KLHL33: variants seen among roughly 807,000 people sequenced by gnomAD.
KLHL33 encodes kelch like family member 33.
A neutral mutation model predicts 60.8 loss-of-function variants in KLHL33; 46 were observed. That is an observed-to-expected ratio of 0.76 (90% CI 0.60 to 0.97). The LOEUF (loss-of-function observed/expected upper bound fraction) is 0.97, where lower values mean the gene tolerates loss of function less well. KLHL33 is among the 50% of genes least tolerant of loss of function. The pLI is 0.00. For synonymous variants in KLHL33, 434 were observed against 432.2 expected, an observed-to-expected ratio of 1.00 and a Z score of -0.05; for missense variants, 1,055 against 1,000.0, an observed-to-expected ratio of 1.05 and a Z score of -0.74.
intron 2 of KLHL33, 138 bp from the exon 3 acceptor site, chr14:20,430,857 G>A: frequency 1.6e-6 from 1 of 614,388 alleles, no homozygotes; most frequent in South Asian, 2.0e-5. Context: ...ACCAAACTGT[G>A]GTGTGCATCA....
Position 20,430,238 on chromosome 14 carries a change from G to T in KLHL33, c.1230C>A (p.Ala410=). The change falls in exon 3 of 5, where the codon GCC becomes GCA. Residue 410 remains alanine, a synonymous_variant. Coordinates refer to ENST00000636854, the MANE Select transcript of KLHL33 (RefSeq NM_001365790.2). The part of the protein sequence containing the change: ...AFVAARCWLA[A]NPETQESEAK... Reference sequence around the variant, plus strand: ...CCTCTGACTCCTGGGTCTCGGGGTTGGCAGCCAGCCAACACCGTGCAGCCA... The same window carrying T: ...CCTCTGACTCCTGGGTCTCGGGGTTTGCAGCCAGCCAACACCGTGCAGCCA... 1 of 1,551,590 alleles carries T rather than the reference G, an allele frequency of 6.4e-7. No individual in the cohort carries two copies. Among genetic ancestry groups the T allele is most frequent in the Non-Finnish European group, 8.7e-7 (1 of 1,146,994 alleles).
rs73587040 is a variant in KLHL33, at chr14:20,428,384, C to A, written c.*465G>T. On this transcript the variant is annotated 3_prime_UTR_variant, in exon 5 of 5. Transcript: ENST00000636854. ...CCAGGGGTGGGAGAGGAGAAAGGAG[C>A]AAGTTCCAGGAAAAAAAGGGCTGAA... 7,361 of 155,176 alleles carry A rather than the reference C, an allele frequency of 0.047. 547 individuals carry two copies. Among genetic ancestry groups the A allele is most frequent in the African/African-American group, 0.17 (6,883 of 41,564 alleles). The allele number at this position is 155,176 out of a possible 1,614,324, so 9.6% of individuals were successfully genotyped here.
chr14:20,429,851 A>G lies in KLHL33; in HGVS notation c.1617T>C (p.Tyr539=). ...TGTAGAAATCTTGTCCCCCACACAC[A>G]TAGAGTTCACTTCCTGCCAGGCTTG... ...GAASLAGSEL[Y]VCGGQDFYSH... The change falls in exon 3 of 5, where the codon TAT becomes TAC. Residue 539 remains tyrosine, a synonymous_variant. Coordinates refer to ENST00000636854, the MANE Select transcript of KLHL33 (RefSeq NM_001365790.2). 3 of 1,551,568 alleles carry G rather than the reference A, an allele frequency of 1.9e-6. No individual in the cohort carries two copies. The highest frequency in any genetic ancestry group is 1.7e-6 in the Non-Finnish European group (2 of 1,146,812).
At position 20,429,325 on chromosome 14, in the gene KLHL33, C is replaced by A. The variant is rs1216549195; in HGVS notation, c.1918G>T (p.Gly640Cys). ...AGGTATTGGCCAGTCCCACCACAGC[C>A]ACCGCTCACGTACAACTGGCCCTCC... is the stretch of plus-strand genomic sequence containing the variant. Reference protein sequence around the residue: ...ILEGQLYVSGGCGGTGQYLAS... With the variant: ...ILEGQLYVSGCCGGTGQYLAS... The change falls in exon 5 of 5, where the codon GGC becomes TGC. Residue 640 changes from glycine (G) to cysteine (C), a missense_variant. Coordinates refer to ENST00000636854, the MANE Select transcript of KLHL33 (RefSeq NM_001365790.2). 1.3e-6 allele frequency: 2 copies of A among 1,551,604 alleles called. No individual in the cohort carries two copies. Among genetic ancestry groups the A allele is most frequent in the Non-Finnish European group, 1.7e-6 (2 of 1,147,002 alleles).
At chr14:20,430,774 G>A in intron 2 of KLHL33, 55 bp from the exon 3 acceptor site, 1 of 1,256,370 alleles carries the variant, frequency 8.0e-7, no homozygotes, top group East Asian at 2.6e-5. Flanking sequence ...AGACCGATAG[G>A]CATTACCCCA....
Position 20,429,988 on chromosome 14 carries a change from G to C in KLHL33, c.1480C>G (p.Arg494Gly). The C allele has an allele frequency of 6.4e-7, 1 of 1,551,696 alleles. No homozygotes were observed. ...AAGGCCCGGGCCCACCACACTGCTC[G>C]GGATGGTTGTCTTAGGGCCATGTCT... ...RPDMALRQPSRAVWWARAFRC... is the reference protein window; with the variant it reads ...RPDMALRQPSGAVWWARAFRC... The change falls in exon 3 of 5, where the codon CGA becomes GGA. Residue 494 changes from arginine (R) to glycine (G), a missense_variant. Coordinates refer to ENST00000636854, the MANE Select transcript of KLHL33 (RefSeq NM_001365790.2).
In KLHL33 at chr14:20,429,564, TC is replaced by T. The variant is rs1415752352; in HGVS notation, c.1778del (p.Gly593GlufsTer45). ...AGTCCAGGGCAACATCATTGTGTCT[TC>T]CACCCAGGGCATAAAGTTTTCCATC... Reference protein sequence around the residue: ...ALDGKLYALGGRHNDVALDSV... With the variant: ...ALDGKLYALGXRHNDVALDSV... On this transcript the variant is annotated frameshift_variant, in exon 4 of 5. Transcript: ENST00000636854. LOFTEE classifies it high-confidence loss of function. 6.4e-7 allele frequency: 1 copy of T among 1,552,174 alleles called. No homozygotes were observed. Among genetic ancestry groups the T allele is most frequent in the Non-Finnish European group, 8.7e-7 (1 of 1,147,106 alleles).
intron 1 of KLHL33, 126 bp downstream of exon 1, chr14:20,435,973 G>T: frequency 2.1e-6 from 1 of 480,160 alleles, no homozygotes; most frequent in Non-Finnish European, 3.3e-6. Flanking sequence ...TCCCAGCACT[G>T]GAGTATCTGG....
In KLHL33 at chr14:20,430,392, C is replaced by T. The variant is rs781672639; in HGVS notation, c.1076G>A (p.Arg359His). 3.9e-5 allele frequency: 60 copies of T among 1,551,786 alleles called. No individual in the cohort carries two copies. Among genetic ancestry groups the T allele is most frequent in the Non-Finnish European group, 5.0e-5 (57 of 1,147,000 alleles). Residue 359 changes from arginine (R) to histidine (H), a missense_variant, in exon 3 of 5, where the codon CGT becomes CAT. By Grantham distance (29) the Arg-to-His change is conservative (BLOSUM62 0). Coordinates refer to ENST00000636854, the MANE Select transcript of KLHL33 (RefSeq NM_001365790.2). ...AGGCAGGTGGGTGAGGAGGTAGTGA[C>T]GGGCTTTGCTCCAGAGCCTCTCCAA... Reference protein sequence around the residue: ...PGLERLWSKARHYLLTHLPAV... With the variant: ...PGLERLWSKAHHYLLTHLPAV...
At position 20,435,421 on chromosome 14, in the gene KLHL33, G is replaced by A; in HGVS notation, c.391C>T (p.Leu131=). The A allele has an allele frequency of 1.6e-6, 2 of 1,234,406 alleles. No homozygotes were observed. Among genetic ancestry groups the A allele is most frequent in the African/African-American group, 1.5e-5 (1 of 64,626 alleles). The allele number at this position is 1,234,406 out of a possible 1,614,324, so 76.5% of individuals were successfully genotyped here. The change falls in exon 2 of 5, where the codon CTG becomes TTG. Residue 131 remains leucine (L), a synonymous_variant. Coordinates refer to ENST00000636854, the MANE Select transcript of KLHL33 (RefSeq NM_001365790.2). ...CGGAAGAGGCTGCTGATTGCGGCCA[G>A]GATCACCCGATGCACCCCGTATACC... ...GRVYGVHRVI[L]AAISSLFRDR... is the part of the protein sequence containing the mutation.
Position 20,430,479 on chromosome 14 carries a change from A to G in KLHL33, c.989T>C (p.Leu330Ser). The G allele has an allele frequency of 6.4e-7, 1 of 1,551,018 alleles. No homozygotes were observed. The highest frequency in any genetic ancestry group is 1.2e-5 in the South Asian group (1 of 84,066). The change falls in exon 3 of 5, where the codon TTG (leucine) becomes TCG (serine). Residue 330 changes from leucine (L) to serine (S), a missense_variant. Coordinates refer to ENST00000636854, the MANE Select transcript of KLHL33 (RefSeq NM_001365790.2). ...ACGGGCAGGGCTGAGGCCCCGTGCC[A>G]AGCCTTTCTGACACAAATCCAAGCA... is the stretch of plus-strand genomic sequence containing the variant. The part of the protein sequence containing the change: ...SSCLDLCQKG[L>S]ARGLSPARCL...
At position 20,429,520 on chromosome 14, in the gene KLHL33, G is replaced by A. The variant is rs1005587432; in HGVS notation, c.1823C>T (p.Pro608Leu). Residue 608 changes from proline (P) to leucine (L), a missense_variant, in exon 4 of 5, where the codon CCT (proline) becomes CTT (leucine). By Grantham distance (98) the Pro-to-Leu change is moderately conservative (BLOSUM62 -3). Coordinates refer to ENST00000636854, the MANE Select transcript of KLHL33 (RefSeq NM_001365790.2). ...VALDSVETYN[P>L]ELNVWRPAPA... ...TGCTTACCTCCAGACATTGAGCTCA[G>A]GGTTGTAGGTCTCCACAGAGTCCAG... is the stretch of plus-strand genomic sequence containing the variant. The A allele has an allele frequency of 1.5e-5, 24 of 1,552,130 alleles. No individual in the cohort carries two copies. In the Admixed American group the frequency reaches 1.6e-4, roughly 10 times the overall value.
rs1880373880 is a variant in KLHL33 at position 20,428,708 on chromosome 14, A to G, written c.*141T>C. On this transcript the variant is annotated 3_prime_UTR_variant, in exon 5 of 5. Transcript: ENST00000636854. ...CCACCATTTCCTCAACGGAGATCATACGTACAAAAGCAGTTTACAATGCAC... is the reference window on the plus strand; with the variant it reads ...CCACCATTTCCTCAACGGAGATCATGCGTACAAAAGCAGTTTACAATGCAC... The G allele has an allele frequency of 1.3e-6, 1 of 757,664 alleles. No individual in the cohort carries two copies. The allele number at this position is 757,664 out of a possible 1,614,324, so 46.9% of individuals were successfully genotyped here.
Position 20,435,156 on chromosome 14 carries a change from T to A in KLHL33, c.656A>T (p.Glu219Val). The A allele has an allele frequency of 4.1e-6, 5 of 1,234,328 alleles. No homozygotes were observed. The highest frequency in any genetic ancestry group is 5.1e-6 in the Non-Finnish European group (5 of 988,086). The allele number at this position is 1,234,328 out of a possible 1,614,324, so 76.5% of individuals were successfully genotyped here. ...GATTCCGCGCAGGTTCTCCCTCAGC[T>A]CCTCTGCCTGGCTGGGCTTCTTTAC... is the stretch of plus-strand genomic sequence containing the variant. ...EDVKKPSQAEELRENLRGIEL... is the reference protein window; with the variant it reads ...EDVKKPSQAEVLRENLRGIEL... Residue 219 changes from glutamate (E) to valine (V), a missense_variant, in exon 2 of 5, where the codon GAG (glutamate) becomes GTG (valine). Coordinates refer to ENST00000636854, the MANE Select transcript of KLHL33 (RefSeq NM_001365790.2).
intron 2 of KLHL33, 72 bp from the exon 3 acceptor site, chr14:20,430,791 T>TACTCTAAGTTTGGCCCA (rs1880489825): frequency 1.9e-6 from 2 of 1,041,956 alleles, no homozygotes; most frequent in East Asian, 2.6e-5. Context: ...CCCAACTTGG[T>TACTCTAAGTTTGGCCCA]ACTCTAAGTT....
At chr14:20,436,039 T>A in intron 1 of KLHL33, 60 bp downstream of exon 1, 1 of 375,934 alleles carries the variant, frequency 2.7e-6, no homozygotes, top group Non-Finnish European at 4.7e-6. Context: ...CAAGAAGCCC[T>A]GTAAAGATCC....
Position 20,430,714 on chromosome 14 carries a change from G to A in KLHL33, c.754C>T (p.Arg252Ter), listed in dbSNP as rs540991532. 20 of 1,513,346 alleles carry A rather than the reference G, an allele frequency of 1.3e-5. 1 individual carries two copies. The highest frequency in any genetic ancestry group is 1.1e-4 in the South Asian group (9 of 80,842). 93.7% of individuals were successfully genotyped at this position (1,513,346 alleles called of 1,614,324 possible). ...EAGGCQLSVH[R>*]AALACGSEFF... ...TCACTGCCACAGGCCAGGGCGGCTCGGTGCACTGCAGGAGGGGAGAAGGAA... is the reference window on the plus strand; with the variant it reads ...TCACTGCCACAGGCCAGGGCGGCTCAGTGCACTGCAGGAGGGGAGAAGGAA... Residue 252 changes from arginine to a stop codon, truncating the protein, a stop_gained, in exon 3 of 5, where the codon CGA becomes TGA. Coordinates refer to ENST00000636854, the MANE Select transcript of KLHL33 (RefSeq NM_001365790.2). LOFTEE classifies it high-confidence loss of function.
chr14:20,429,055 C>T lies in KLHL33; in HGVS notation c.2188G>A (p.Glu730Lys). The change falls in exon 5 of 5, where the codon GAG becomes AAG. Residue 730 changes from glutamate to lysine, a missense_variant. Physicochemically the swap from Glu to Lys is moderately conservative, Grantham distance 56 (BLOSUM62 1). Coordinates refer to ENST00000636854, the MANE Select transcript of KLHL33 (RefSeq NM_001365790.2). ...VGAASAVLQG[E>K]LLVLGGYSHR... ...CTGTAGCCCCCGAGCACCAGTAGCT[C>T]CCCCTGCAGCACAGCACTTGCAGCC... 2.6e-6 allele frequency: 4 copies of T among 1,551,678 alleles called. No individual in the cohort carries two copies. The highest frequency in any genetic ancestry group is 3.5e-6 in the Non-Finnish European group (4 of 1,146,982).
chr14:20,430,775 C>T, intron 2 of KLHL33, 56 bp from the exon 3 acceptor site: 1 of 1,253,366 alleles, frequency 8.0e-7, no homozygotes, highest in Non-Finnish European at 1.1e-6. Context: ...GACCGATAGG[C>T]ATTACCCCAA....
Sources: gnomAD v4.1 joint callset for allele counts on GRCh38, gnomAD v4.1.1 for gene constraint, MANE v1.5 for transcripts, NCBI Gene and HGNC (gene_info 2026-07-23, HGNC 2026-07-21) for gene names.